The following DTWD2 variants were observed in gnomAD, a reference collection of about 807,000 sequenced individuals.
DTWD2 encodes the protein tRNA-uridine aminocarboxypropyltransferase 2.
Under a neutral mutation model 31.8 loss-of-function variants are expected in DTWD2, and 39 were observed. That is an observed-to-expected ratio of 1.22 (90% CI 0.95 to 1.60). The LOEUF is 1.60. Among genes scored for constraint, DTWD2 ranks in the 40% most tolerant of loss-of-function variants. The pLI, the probability that DTWD2 is intolerant of heterozygous loss-of-function variation, is 0.00. For synonymous variants in DTWD2, 180 were observed against 142.8 expected (o/e 1.26, Z -1.86); for missense variants, 515 against 381.5 (o/e 1.35, Z -2.92).
At chr5:118,881,889 C>T (rs1392417064) in intron 4 of DTWD2, among the ~76,000 whole-genome samples, 1 of 152,170 alleles carries the variant, frequency 6.6e-6, no homozygotes, top group East Asian at 1.9e-4. Flanking sequence ...GGTGGGGACA[C>T]AGAGTCAAAC....
rs113045346 is a variant in DTWD2 at position 118,920,751 on chromosome 5, A to G, written c.597+7786T>C. 4.1e-3 allele frequency among the ~76,000 whole-genome samples: 619 copies of G among 152,340 alleles called. 7 individuals are homozygous for G. Among genetic ancestry groups the G allele is most frequent in the African/African-American group, 0.014 (602 of 41,578 alleles). On this transcript the variant is annotated intron_variant, in intron 4 of 5. Coordinates refer to ENST00000510708, the MANE Select transcript of DTWD2 (RefSeq NM_173666.4). ...ACTTAGAAATATTACAGTTATATTC[A>G]TAAGATTAGTCTGTTTATATCTATG...
Position 118,859,216 on chromosome 5 carries a change from A to C in DTWD2, c.598-10998T>G, listed in dbSNP as rs534188019. Among the ~76,000 whole-genome samples, 451 of 152,236 alleles carry C rather than the reference A, an allele frequency of 3.0e-3. 9 individuals carry two copies. Among genetic ancestry groups the C allele is most frequent in the Admixed American group, 0.027 (412 of 15,290 alleles). Reference sequence around the variant, plus strand: ...CTGGAATTCTTGAAGGAAAAAAAAAAAAAACCTCTTCAAGTACCTGGTAAC... The same window carrying C: ...CTGGAATTCTTGAAGGAAAAAAAAACAAAACCTCTTCAAGTACCTGGTAAC... On this transcript the variant is annotated intron_variant, in intron 4 of 5. Coordinates refer to ENST00000510708, the MANE Select transcript of DTWD2 (RefSeq NM_173666.4).
At chr5:118,981,775 C>A (rs1164499011) in intron 1 of DTWD2, among the ~76,000 whole-genome samples, 1 of 152,272 alleles carries the variant, frequency 6.6e-6, no homozygotes, top group East Asian at 1.9e-4. Context: ...GAGATACAGG[C>A]TTGACTTTAA....
intron 1 of DTWD2, among the ~76,000 whole-genome samples, chr5:118,952,920 A>C (rs116354206): frequency 0.025 from 3,773 of 152,230 alleles, 80 homozygotes; most frequent in Admixed American, 0.043. Flanking sequence ...ATTCCTATTA[A>C]TACTTCCATT....
At chr5:118,869,326 G>A (rs900941764) in intron 4 of DTWD2, among the ~76,000 whole-genome samples, 1 of 152,148 alleles carries the variant, frequency 6.6e-6, no homozygotes, top group Admixed American at 6.6e-5. Flanking sequence ...TGGTAGAAAT[G>A]AAGTCAACCA....
chr5:118,916,103 C>G (rs1177773405), intron 4 of DTWD2, among the ~76,000 whole-genome samples: 2 of 152,170 alleles, frequency 1.3e-5, no homozygotes, highest in African/African-American at 4.8e-5. Context: ...GGTTGAAGAT[C>G]TGGGCCAACT....
At chr5:118,981,900 T>C (rs1246961938) in intron 1 of DTWD2, among the ~76,000 whole-genome samples, 1 of 152,194 alleles carries the variant, frequency 6.6e-6, no homozygotes, top group Non-Finnish European at 1.5e-5. Context: ...CTCATGTAAA[T>C]ACTTACTACA....
rs758583981 is a variant in DTWD2 at position 118,837,849 on chromosome 5, T to C, written c.*3068A>G. 1.3e-5 allele frequency: 2 copies of C among 151,564 alleles called. No individual in the cohort carries two copies. Among genetic ancestry groups the C allele is most frequent in the Non-Finnish European group, 2.9e-5 (2 of 67,900 alleles). 9.4% of individuals were successfully genotyped at this position (151,564 alleles called of 1,614,324 possible). On this transcript the variant is annotated 3_prime_UTR_variant, in exon 6 of 6. Transcript: ENST00000510708. Reference sequence around the variant, plus strand: ...CAGGAGGAACACTTGAGCCCAGGAGTTTGATGCTGCAGTAAGCTATGATTA... The same window carrying C: ...CAGGAGGAACACTTGAGCCCAGGAGCTTGATGCTGCAGTAAGCTATGATTA...
At chr5:118,915,430 A>G (rs1431916765) in intron 4 of DTWD2, among the ~76,000 whole-genome samples, 1 of 146,530 alleles carries the variant, frequency 6.8e-6, no homozygotes, top group African/African-American at 2.5e-5. Flanking sequence ...GCTGGAGTGC[A>G]GTGGCGCAAT....
chr5:118,890,218 G>T (rs1752948582), intron 4 of DTWD2, among the ~76,000 whole-genome samples: 1 of 152,152 alleles, frequency 6.6e-6, no homozygotes, highest in African/African-American at 2.4e-5. Context: ...AATAAAGTCA[G>T]TCTGACATCA....
chr5:118,845,714 A>G (rs536484799), intron 5 of DTWD2, among the ~76,000 whole-genome samples: 98 of 152,344 alleles, frequency 6.4e-4, no homozygotes, highest in Non-Finnish European at 1.2e-3. Flanking sequence ...AATTTTATCT[A>G]CAGACAACAA....
intron 1 of DTWD2, among the ~76,000 whole-genome samples, chr5:118,968,531 C>T (rs1455524874): frequency 2.0e-5 from 3 of 152,124 alleles, no homozygotes; most frequent in African/African-American, 7.2e-5. Flanking sequence ...CTTCTGAAGC[C>T]AGGGAAGGCC....
At chr5:118,850,664 G>T (rs1445193152) in intron 4 of DTWD2, among the ~76,000 whole-genome samples, 1 of 151,884 alleles carries the variant, frequency 6.6e-6, no homozygotes, top group Non-Finnish European at 1.5e-5. Flanking sequence ...GAGTTGGCAA[G>T]TGGAATCTAA....
chr5:118,988,516 G>A lies in DTWD2; in HGVS notation c.-5C>T. The A allele has an allele frequency of 6.5e-7, 1 of 1,549,678 alleles. No individual in the cohort carries two copies. Among genetic ancestry groups the A allele is most frequent in the Non-Finnish European group, 8.7e-7 (1 of 1,151,114 alleles). ...TGCCTCTTTCTGCGACTCCATGGCG[G>A]ACACTCCGGTCAGGCCGTGGCATTG... On this transcript the variant is annotated 5_prime_UTR_variant, in exon 1 of 6. Coordinates refer to ENST00000510708, the MANE Select transcript of DTWD2 (RefSeq NM_173666.4).
chr5:118,982,428 T>C (rs919908233), intron 1 of DTWD2, among the ~76,000 whole-genome samples: 4 of 152,182 alleles, frequency 2.6e-5, no homozygotes, highest in Non-Finnish European at 5.9e-5. Flanking sequence ...ACATATATCA[T>C]TGCTTAACTT....
intron 4 of DTWD2, among the ~76,000 whole-genome samples, chr5:118,853,916 G>T (rs1298114224): frequency 6.6e-6 from 1 of 152,200 alleles, no homozygotes; most frequent in Admixed American, 6.5e-5. Context: ...CTTTACTGGG[G>T]AAGAAGATGT....
chr5:118,877,238 C>T (rs546037232), intron 4 of DTWD2, among the ~76,000 whole-genome samples: 57 of 152,212 alleles, frequency 3.7e-4, no homozygotes, highest in Non-Finnish European at 5.1e-4. Flanking sequence ...TTTGGGAGAC[C>T]GAGGCAGGTG....
intron 4 of DTWD2, among the ~76,000 whole-genome samples, chr5:118,920,711 G>A (rs79912771): frequency 0.017 from 2,650 of 152,186 alleles, 70 homozygotes; most frequent in African/African-American, 0.061. Context: ...GATAGATTTT[G>A]TGGGCCAGGA....
intron 4 of DTWD2, among the ~76,000 whole-genome samples, chr5:118,883,728 C>A (rs1037634407): frequency 1.2e-4 from 18 of 152,118 alleles, no homozygotes; most frequent in African/African-American, 4.3e-4. Context: ...AAAAACAGCA[C>A]CCCCATGATC....
Sources: gnomAD v4.1 joint callset for allele counts (sites outside exome capture counted in the v4.1 genomes callset) on GRCh38, gnomAD v4.1.1 for gene constraint, MANE v1.5 for transcripts, NCBI Gene and HGNC (gene_info 2026-07-23, HGNC 2026-07-21) for gene names.